RGS6: variants seen among roughly 807,000 people sequenced by gnomAD.
RGS6 encodes regulator of G protein signaling 6.
Under a neutral mutation model 78.5 loss-of-function variants are expected in RGS6, and 30 were observed. The observed-to-expected ratio is 0.38, with a 90% confidence interval of 0.29 to 0.52. RGS6 has a LOEUF of 0.52. Among genes scored for constraint, RGS6 ranks in the 20% least tolerant of loss-of-function variants. RGS6 has a pLI of 0.85. For missense variants in RGS6, 495 were observed against 609.7 expected, an observed-to-expected ratio of 0.81 and a Z score of 1.98; for synonymous variants, 206 against 206.0, an observed-to-expected ratio of 1.00 and a Z score of 0.00.
chr14:72,251,567 A>G (rs1333110735), intron 2 of RGS6, among the ~76,000 whole-genome samples: 1 of 152,222 alleles, frequency 6.6e-6, no homozygotes, highest in African/African-American at 2.4e-5. Flanking sequence ...TCTGAGCCAC[A>G]ACAGGCCTGT....
the RGS6 span, among the ~76,000 whole-genome samples, chr14:71,882,292 G>A: frequency 6.6e-6 from 1 of 152,072 alleles, no homozygotes; most frequent in Non-Finnish European, 1.5e-5. Flanking sequence ...TCTTTTTATG[G>A]CTGAATAATA....
intron 2 of RGS6, among the ~76,000 whole-genome samples, chr14:72,160,800 G>T (rs1434192587): frequency 1.3e-5 from 2 of 152,166 alleles, no homozygotes; most frequent in Non-Finnish European, 2.9e-5. Context: ...TGAACTTCCA[G>T]CCCTCCAGGA....
At chr14:72,227,506 A>C (rs1045974673) in intron 2 of RGS6, among the ~76,000 whole-genome samples, 2 of 152,200 alleles carry the variant, frequency 1.3e-5, no homozygotes, top group African/African-American at 4.8e-5. Flanking sequence ...CAAAACCCCT[A>C]GTGTTTTGGG....
chr14:72,386,840 C>T (rs2088241367), intron 3 of RGS6, among the ~76,000 whole-genome samples: 1 of 152,160 alleles, frequency 6.6e-6, no homozygotes, highest in South Asian at 2.1e-4. Flanking sequence ...ATGCCATTCA[C>T]TTGAAATTCT....
intron 2 of RGS6, among the ~76,000 whole-genome samples, chr14:72,041,084 A>C (rs2092359176): frequency 2.0e-5 from 3 of 151,964 alleles, no homozygotes; most frequent in Admixed American, 1.3e-4. Flanking sequence ...TGTTTTTCTG[A>C]TCTGCTTTTG....
downstream of RGS6, among the ~76,000 whole-genome samples, chr14:72,570,227 A>G (rs2097718734): frequency 1.3e-5 from 2 of 152,254 alleles, no homozygotes; most frequent in South Asian, 2.1e-4. Context: ...TAAGCAATCT[A>G]GAGATAATGT....
chr14:72,033,733 A>T (rs1223186670), intron 2 of RGS6, among the ~76,000 whole-genome samples: 1 of 152,220 alleles, frequency 6.6e-6, no homozygotes, highest in Non-Finnish European at 1.5e-5. Flanking sequence ...AAACTGTTGT[A>T]TGTTGAGGAC....
intron 13 of RGS6, among the ~76,000 whole-genome samples, chr14:72,502,473 G>A (rs1428471599): frequency 1.3e-5 from 2 of 152,130 alleles, no homozygotes; most frequent in Non-Finnish European, 2.9e-5. Flanking sequence ...GTTACACAGC[G>A]TAAATAACTG....
intron 5 of RGS6, 130 bp from the exon 6 acceptor site, chr14:72,459,502 G>T: frequency 1.3e-6 from 1 of 798,756 alleles, no homozygotes; most frequent in South Asian, 1.5e-5. Context: ...GAAGAGGAGA[G>T]AATTGTGGGG....
intron 14 of RGS6, among the ~76,000 whole-genome samples, chr14:72,512,006 C>T (rs2096883970): frequency 6.6e-6 from 1 of 152,160 alleles, no homozygotes; most frequent in Non-Finnish European, 1.5e-5. Context: ...CTCTCTGTGG[C>T]CAGCTTGATG....
At chr14:72,481,478 A>G (rs1002728930) in intron 12 of RGS6, among the ~76,000 whole-genome samples, 3 of 152,244 alleles carry the variant, frequency 2.0e-5, no homozygotes, top group Admixed American at 6.5e-5. Context: ...CTGACCTTGC[A>G]CTGCATGTCT....
intron 2 of RGS6, among the ~76,000 whole-genome samples, chr14:72,189,545 C>T (rs560545218): frequency 6.6e-5 from 10 of 152,296 alleles, no homozygotes; most frequent in Admixed American, 2.0e-4. Flanking sequence ...GGCCGCCAGA[C>T]ACTCATTGAA....
rs186607889 is a variant in RGS6, at chr14:72,055,047, G to T, written c.84+90172G>T. Among the ~76,000 whole-genome samples the T allele has an allele frequency of 3.4e-4, 51 of 152,210 alleles. 2 individuals are homozygous for T. The highest frequency in any genetic ancestry group is 9.4e-4 in the African/African-American group (39 of 41,536). On this transcript the variant is annotated intron_variant, in intron 2 of 17. Coordinates refer to ENST00000553525, the MANE Select transcript of RGS6 (RefSeq NM_001204424.2). ...ATACTCATGTCATTGGGCATTCAGG[G>T]TGTTTCCTGTTTTTGTATCTATGAG...
intron 2 of RGS6, among the ~76,000 whole-genome samples, chr14:71,981,484 G>T (rs999199934): frequency 2.6e-4 from 39 of 151,826 alleles, no homozygotes; most frequent in Admixed American, 2.4e-3. Flanking sequence ...TAACAGACAG[G>T]ACCCTCAGCT....
At chr14:72,197,348 G>A (rs779858885) in intron 2 of RGS6, among the ~76,000 whole-genome samples, 1 of 152,204 alleles carries the variant, frequency 6.6e-6, no homozygotes, top group Non-Finnish European at 1.5e-5. Context: ...TTACAGGCAT[G>A]AGCCACTGCA....
At chr14:72,392,938 C>A (rs913519630) in intron 3 of RGS6, among the ~76,000 whole-genome samples, 16 of 152,178 alleles carry the variant, frequency 1.1e-4, no homozygotes, top group Admixed American at 6.5e-5. Context: ...ATTACAAGGC[C>A]ATTTGGCAGC....
intron 2 of RGS6, among the ~76,000 whole-genome samples, chr14:72,346,148 G>A (rs2077993947): frequency 6.6e-6 from 1 of 152,126 alleles, no homozygotes; most frequent in Admixed American, 6.5e-5. Flanking sequence ...CATGCTTGAG[G>A]CATACTCTTT....
At chr14:72,367,355 C>A (rs186887269) in intron 3 of RGS6, among the ~76,000 whole-genome samples, 1 of 151,946 alleles carries the variant, frequency 6.6e-6, no homozygotes, top group Non-Finnish European at 1.5e-5. Flanking sequence ...GTGTAAGACC[C>A]CTACAGAGTG....
chr14:72,322,654 A>G (rs146474989), intron 2 of RGS6, among the ~76,000 whole-genome samples: 2 of 152,248 alleles, frequency 1.3e-5, no homozygotes, highest in African/African-American at 4.8e-5. Flanking sequence ...TTAAAATATT[A>G]GAAAACAAAT....
Sources: gnomAD v4.1 joint callset for allele counts (sites outside exome capture counted in the v4.1 genomes callset) on GRCh38, gnomAD v4.1.1 for gene constraint, MANE v1.5 for transcripts, NCBI Gene and HGNC (gene_info 2026-07-23, HGNC 2026-07-21) for gene names.